Variants in CACNA2D3 observed in about 807,000 individuals in gnomAD.
The protein encoded by CACNA2D3 is voltage-dependent calcium channel subunit alpha-2/delta-3.
A neutral mutation model predicts 160.6 loss-of-function variants in CACNA2D3; 60 were observed. That is an observed-to-expected ratio of 0.37 (90% CI 0.30 to 0.46). CACNA2D3 has a LOEUF of 0.46. Ranked by LOEUF, CACNA2D3 falls within the 20% of genes least tolerant of loss-of-function variation. The pLI is 1.00. For synonymous variants in CACNA2D3, 558 were observed against 492.9 expected, an observed-to-expected ratio of 1.13 and a Z score of -1.75; for missense variants, 1,205 against 1,365.0, an observed-to-expected ratio of 0.88 and a Z score of 1.85.
rs1219005118 is a variant in CACNA2D3 at position 54,871,625 on chromosome 3, A to G, written c.1710+3A>G. 5.6e-6 allele frequency: 9 copies of G among 1,608,064 alleles called. No homozygotes were observed. The African/African-American group carries it at 9.4e-5, about 17-fold the overall frequency. ...AGTGGGAAGACCGAGATGACGTGGTAAGTGATTTGTTTTCAGGCCTCGTGG... is the reference window on the plus strand; with the variant it reads ...AGTGGGAAGACCGAGATGACGTGGTGAGTGATTTGTTTTCAGGCCTCGTGG... On this transcript the variant is annotated splice_donor_region_variant and intron_variant, in intron 18 of 37. Transcript: ENST00000474759.
At chr3:55,038,563 C>G (rs548809097) in intron 35 of CACNA2D3, among the ~76,000 whole-genome samples, 3 of 152,076 alleles carry the variant, frequency 2.0e-5, no homozygotes, top group African/African-American at 7.2e-5. Flanking sequence ...TATGCACTCA[C>G]AGGTATATAA....
chr3:54,715,872 A>G (rs929027954), intron 11 of CACNA2D3, among the ~76,000 whole-genome samples: 1 of 152,214 alleles, frequency 6.6e-6, no homozygotes, highest in Admixed American at 6.5e-5. Flanking sequence ...CATCTCACAT[A>G]TGAACAAGTG....
chr3:54,401,821 C>T (rs1177265187), intron 4 of CACNA2D3, among the ~76,000 whole-genome samples: 4 of 151,996 alleles, frequency 2.6e-5, no homozygotes, highest in Non-Finnish European at 4.4e-5. Context: ...GTATAAAATT[C>T]AATGGTAAAG....
At chr3:54,946,085 A>G (rs756372650) in intron 27 of CACNA2D3, among the ~76,000 whole-genome samples, 6 of 152,216 alleles carry the variant, frequency 3.9e-5, no homozygotes, top group Non-Finnish European at 5.9e-5. Flanking sequence ...GGAAGCTGCT[A>G]AGGAAATAAA....
At chr3:54,486,034 C>A (rs1369968728) in intron 4 of CACNA2D3, among the ~76,000 whole-genome samples, 1 of 152,166 alleles carries the variant, frequency 6.6e-6, no homozygotes, top group African/African-American at 2.4e-5. Context: ...TCAGCCTATT[C>A]CGGGCTAGTC....
In CACNA2D3 at chr3:54,959,702, G is replaced by A. The variant is rs529450439; in HGVS notation, c.2450-8748G>A. 2.0e-5 allele frequency among the ~76,000 whole-genome samples: 3 copies of A among 152,200 alleles called. No homozygotes were observed. In the East Asian group the frequency reaches 5.8e-4, roughly 29 times the overall value. On this transcript the variant is annotated intron_variant, in intron 27 of 37. Transcript: ENST00000474759. Reference sequence around the variant, plus strand: ...CTGATTAAAATACAATGAAGCCCGAGGCTTAAATGTTTTCTTCTGAAAGGT... The same window carrying A: ...CTGATTAAAATACAATGAAGCCCGAAGCTTAAATGTTTTCTTCTGAAAGGT...
At chr3:54,629,326 C>T (rs934372620) in intron 10 of CACNA2D3, among the ~76,000 whole-genome samples, 1 of 152,060 alleles carries the variant, frequency 6.6e-6, no homozygotes, top group African/African-American at 2.4e-5. Context: ...GTTAGTTACA[C>T]CTGACTCCAA....
intron 12 of CACNA2D3, among the ~76,000 whole-genome samples, chr3:54,763,271 C>T (rs1395501985): frequency 2.6e-5 from 4 of 151,960 alleles, no homozygotes; most frequent in African/African-American, 9.7e-5. Flanking sequence ...TCTGTATTTG[C>T]TACTTGATGC....
chr3:55,060,355 G>T (rs1183168070), intron 35 of CACNA2D3, among the ~76,000 whole-genome samples: 1 of 152,172 alleles, frequency 6.6e-6, no homozygotes, highest in Non-Finnish European at 1.5e-5. Context: ...GGTGGTGATG[G>T]TGATGGTGAT....
chr3:54,134,704 C>G (rs1282043014), intron 2 of CACNA2D3, among the ~76,000 whole-genome samples: 1 of 152,254 alleles, frequency 6.6e-6, no homozygotes, highest in Non-Finnish European at 1.5e-5. Flanking sequence ...GCAGTGCCAG[C>G]AGGGACTGCC....
chr3:54,323,310 C>G (rs1392733041), intron 3 of CACNA2D3, among the ~76,000 whole-genome samples: 1 of 152,138 alleles, frequency 6.6e-6, no homozygotes, highest in Non-Finnish European at 1.5e-5. Flanking sequence ...ACCTCAGGTT[C>G]AAATTTGCCC....
At chr3:54,589,404 TTAAAAC>T (rs1702820336) in intron 9 of CACNA2D3, among the ~76,000 whole-genome samples, 1 of 151,924 alleles carries the variant, frequency 6.6e-6, no homozygotes, top group Admixed American at 6.6e-5. Context: ...GATCAAAGAC[TTAAAAC>T]TATACAACCA....
At chr3:54,626,419 A>T in intron 9 of CACNA2D3, 2 of 1,583,978 alleles carry the variant, frequency 1.3e-6, no homozygotes, top group Non-Finnish European at 1.7e-6. Context: ...GGCGCTGCCC[A>T]TGGAGAAGCC....
chr3:54,267,546 A>G (rs1436220817), intron 2 of CACNA2D3, among the ~76,000 whole-genome samples: 1 of 152,218 alleles, frequency 6.6e-6, no homozygotes, highest in African/African-American at 2.4e-5. Context: ...AGTGAAAAGT[A>G]TCCTTTCTGA....
intron 11 of CACNA2D3, among the ~76,000 whole-genome samples, chr3:54,726,514 C>G (rs1701279764): frequency 6.6e-6 from 1 of 152,170 alleles, no homozygotes; most frequent in South Asian, 2.1e-4. Context: ...TCAAACTATA[C>G]TACAAGACTA....
At chr3:54,452,787 C>G (rs1271635471) in intron 4 of CACNA2D3, among the ~76,000 whole-genome samples, 46 of 152,046 alleles carry the variant, frequency 3.0e-4, no homozygotes, top group Admixed American at 3.0e-3. Context: ...GGGCGATGCT[C>G]CCTCTGAAGT....
At chr3:54,125,222 T>C (rs1408290332) in intron 2 of CACNA2D3, among the ~76,000 whole-genome samples, 1 of 146,432 alleles carries the variant, frequency 6.8e-6, no homozygotes, top group Non-Finnish European at 1.5e-5. Context: ...TAAATATGTT[T>C]TTTTCTTTCT....
At chr3:54,193,815 T>C (rs1350644628) in intron 2 of CACNA2D3, among the ~76,000 whole-genome samples, 1 of 152,196 alleles carries the variant, frequency 6.6e-6, no homozygotes, top group Non-Finnish European at 1.5e-5. Flanking sequence ...TTCTAATTCA[T>C]TTCCTTCACT....
At chr3:54,710,621 C>T (rs187912989) in intron 11 of CACNA2D3, among the ~76,000 whole-genome samples, 35 of 152,288 alleles carry the variant, frequency 2.3e-4, no homozygotes, top group Non-Finnish European at 4.4e-4. Flanking sequence ...CTGGGAAACA[C>T]AGTCCTCCTG....
Sources: gnomAD v4.1 joint callset for allele counts (sites outside exome capture counted in the v4.1 genomes callset) on GRCh38, gnomAD v4.1.1 for gene constraint, MANE v1.5 for transcripts, NCBI Gene and HGNC (gene_info 2026-07-23, HGNC 2026-07-21) for gene names.